NUDT3: variants seen among roughly 807,000 people sequenced by gnomAD.
NUDT3 encodes nudix hydrolase 3, also known as diphosphoinositol polyphosphate phosphohydrolase 1.
A neutral mutation model predicts 23.6 loss-of-function variants in NUDT3; 9 were observed. The ratio of observed to expected loss-of-function variants is 0.38; its 90% CI spans 0.23 to 0.66. The LOEUF is 0.66. NUDT3 is among the 30% of genes least tolerant of loss of function. NUDT3 has a pLI of 0.52. For missense variants in NUDT3, 172 were observed against 218.5 expected (o/e 0.79, Z 1.34); for synonymous variants, 86 against 82.6 (o/e 1.04, Z -0.22).
intron 1 of NUDT3, among the ~76,000 whole-genome samples, chr6:34,345,446 A>G (rs1284142222): frequency 1.3e-5 from 2 of 151,360 alleles, no homozygotes; most frequent in South Asian, 2.1e-4. Flanking sequence ...GGCAGATCAC[A>G]AGGTCAGGAG....
chr6:34,371,914 C>T (rs934896774), intron 1 of NUDT3, among the ~76,000 whole-genome samples: 2 of 152,262 alleles, frequency 1.3e-5, no homozygotes, highest in East Asian at 1.9e-4. Flanking sequence ...CTACAACAGG[C>T]CCCGGTGTGT....
At position 34,288,791 on chromosome 6, in the gene NUDT3, A is replaced by T. The variant is rs201459828; in HGVS notation, c.481T>A (p.Ser161Thr). 91 of 1,613,530 alleles carry T rather than the reference A, an allele frequency of 5.6e-5. No individual in the cohort carries two copies. Among genetic ancestry groups the T allele is most frequent in the Middle Eastern group, 3.3e-4 (2 of 6,084 alleles). The part of the protein sequence containing the change: ...NGTPVVATTY[S>T]VSAQSSMSGI... ...GACATCGAGCTCTGAGCAGAAACCG[A>T]GTATGTGGTGGCCACGACTGGGGTG... The change falls in exon 5 of 5, where the codon TCG (serine) becomes ACG (threonine). Residue 161 changes from serine (S) to threonine (T), a missense_variant. Ser to Thr is a moderately conservative substitution (Grantham distance 58). This residue lies in a region of NUDT3 where 63 missense variants were observed against 64.9 expected (regional missense o/e 0.97). Transcript: ENST00000607016.
At chr6:34,357,557 T>C (rs1764581872) in intron 1 of NUDT3, among the ~76,000 whole-genome samples, 1 of 151,118 alleles carries the variant, frequency 6.6e-6, no homozygotes, top group South Asian at 2.1e-4. Context: ...GAGGCTGCAA[T>C]GAGCCGTGAT....
chr6:34,358,535 C>T (rs1458518552), intron 1 of NUDT3, among the ~76,000 whole-genome samples: 3 of 152,032 alleles, frequency 2.0e-5, no homozygotes, highest in African/African-American at 4.8e-5. Flanking sequence ...AAAATTTTCA[C>T]AGGTTAGTAT....
chr6:34,380,607 G>A (rs2113767155), intron 1 of NUDT3, among the ~76,000 whole-genome samples: 1 of 152,288 alleles, frequency 6.6e-6, no homozygotes, highest in Non-Finnish European at 1.5e-5. Context: ...TGATTTCACT[G>A]TTAGTTACAG....
chr6:34,355,937 CTT>C (rs1764554261), intron 1 of NUDT3, among the ~76,000 whole-genome samples: 1 of 152,142 alleles, frequency 6.6e-6, no homozygotes, highest in African/African-American at 2.4e-5. Flanking sequence ...CTATGCATCT[CTT>C]CATCTGTATC....
Position 34,330,665 on chromosome 6 carries a change from T to C in NUDT3, c.210+11197A>G, listed in dbSNP as rs371219311. Among the ~76,000 whole-genome samples the C allele has an allele frequency of 5.8e-4, 88 of 151,984 alleles. 1 individual carries two copies. Among genetic ancestry groups the C allele is most frequent in the South Asian group, 2.5e-3 (12 of 4,816 alleles). On this transcript the variant is annotated intron_variant, in intron 2 of 4. Transcript: ENST00000607016. The stretch of plus-strand genomic sequence containing the variant: ...TACAAAAATTAGCTGGGTGTGGTGG[T>C]GCATGCTTACTTGTAGTCCCAGCTA...
intron 1 of NUDT3, among the ~76,000 whole-genome samples, chr6:34,366,801 C>T (rs952684370): frequency 1.3e-5 from 2 of 152,086 alleles, no homozygotes; most frequent in African/African-American, 4.8e-5. Flanking sequence ...GTGACAGTTG[C>T]ACAACAATGT....
At chr6:34,368,438 G>T (rs1041552048) in intron 1 of NUDT3, among the ~76,000 whole-genome samples, 1 of 152,186 alleles carries the variant, frequency 6.6e-6, no homozygotes, top group Non-Finnish European at 1.5e-5. Flanking sequence ...AAGAAGTGCA[G>T]CAGCATACAA....
At chr6:34,289,684 T>C (rs1273990466) in intron 4 of NUDT3, among the ~76,000 whole-genome samples, 1 of 152,184 alleles carries the variant, frequency 6.6e-6, no homozygotes, top group African/African-American at 2.4e-5. Flanking sequence ...TAATAGAAAA[T>C]ATTTCTTAAA....
intron 1 of NUDT3, among the ~76,000 whole-genome samples, chr6:34,355,940 C>T (rs2113747660): frequency 6.6e-6 from 1 of 152,280 alleles, no homozygotes; most frequent in Non-Finnish European, 1.5e-5. Context: ...TGCATCTCTT[C>T]ATCTGTATCC....
chr6:34,343,652 A>G (rs1474153701), intron 1 of NUDT3, among the ~76,000 whole-genome samples: 1 of 152,144 alleles, frequency 6.6e-6, no homozygotes, highest in African/African-American at 2.4e-5. Flanking sequence ...AAGAAAACAC[A>G]GGGGTAAAAT....
intron 1 of NUDT3, among the ~76,000 whole-genome samples, chr6:34,375,966 A>T (rs1315730684): frequency 2.0e-5 from 3 of 152,108 alleles, no homozygotes; most frequent in African/African-American, 7.2e-5. Context: ...CCCTACGCTC[A>T]GTTTTGCTTT....
At chr6:34,336,316 G>A (rs1280862153) in intron 2 of NUDT3, among the ~76,000 whole-genome samples, 2 of 152,056 alleles carry the variant, frequency 1.3e-5, no homozygotes, top group Non-Finnish European at 2.9e-5. Flanking sequence ...GGGGGAGTTT[G>A]GGAGGGGTGT....
chr6:34,382,270 G>A (rs1765032604), intron 1 of NUDT3, among the ~76,000 whole-genome samples: 1 of 151,618 alleles, frequency 6.6e-6, no homozygotes, highest in Non-Finnish European at 1.5e-5. Flanking sequence ...GGGTGTGGTG[G>A]CACATGCCTG....
At chr6:34,355,584 C>T (rs1053013264) in intron 1 of NUDT3, among the ~76,000 whole-genome samples, 2 of 149,706 alleles carry the variant, frequency 1.3e-5, no homozygotes, top group Non-Finnish European at 2.9e-5. Context: ...AGAAATTATA[C>T]TTCTTTTATT....
intron 2 of NUDT3, among the ~76,000 whole-genome samples, chr6:34,326,598 C>CT (rs576434468): frequency 0.038 from 5,526 of 146,782 alleles, 132 homozygotes; most frequent in Non-Finnish European, 0.057. Flanking sequence ...GATAATCCAG[C>CT]TTTTTTTTTT....
At chr6:34,311,643 T>C (rs1309653034) in intron 2 of NUDT3, among the ~76,000 whole-genome samples, 2 of 152,128 alleles carry the variant, frequency 1.3e-5, no homozygotes, top group Non-Finnish European at 2.9e-5. Context: ...GAGAACAAAG[T>C]TGGAGAACGG....
chr6:34,341,516 G>A (rs866420907), intron 2 of NUDT3, among the ~76,000 whole-genome samples: 9 of 152,274 alleles, frequency 5.9e-5, no homozygotes, highest in Middle Eastern at 3.4e-3. Context: ...TAATGACAAT[G>A]AGTCATTTAT....
Sources: allele counts gnomAD v4.1 joint callset (sites outside exome capture counted in the v4.1 genomes callset), GRCh38; gene constraint gnomAD v4.1.1; regional missense constraint gnomAD v4.1.1; transcripts MANE v1.5; gene names NCBI Gene and HGNC (gene_info 2026-07-23, HGNC 2026-07-21).